The following TMC6 variants were observed in gnomAD, a reference collection of about 807,000 sequenced individuals.
TMC6 encodes the protein transmembrane channel-like protein 6.
In TMC6, 71 loss-of-function variants were observed where a neutral mutation model predicts 95.4. The ratio of observed to expected loss-of-function variants is 0.74; its 90% CI spans 0.61 to 0.91. The LOEUF (loss-of-function observed/expected upper bound fraction) is 0.91. Ranked by LOEUF, TMC6 falls within the 40% of genes least tolerant of loss-of-function variation. The pLI is 0.00. For synonymous variants in TMC6, 514 were observed against 483.1 expected (o/e 1.06, Z -0.84); for missense variants, 1,074 against 1,079.1 (o/e 1.00, Z 0.07).
At chr17:78,126,204 A>T in intron 4 of TMC6, 73 bp downstream of exon 4, 1 of 1,519,632 alleles carries the variant, frequency 6.6e-7, no homozygotes. Flanking sequence ...CCTGGCAGGA[A>T]GCCCAGCCCA....
intron 15 of TMC6, chr17:78,118,148 G>A: frequency 1.3e-6 from 1 of 758,198 alleles, no homozygotes. Flanking sequence ...TCCATCTGCT[G>A]AAGGTCGCTG....
At position 78,113,586 on chromosome 17, in the gene TMC6, G is replaced by C. The variant is rs922227584; in HGVS notation, c.2316C>G (p.His772Gln). 3 of 1,613,874 alleles carry C rather than the reference G, an allele frequency of 1.9e-6. No homozygotes were observed. Among genetic ancestry groups the C allele is most frequent in the African/African-American group, 2.7e-5 (2 of 74,880 alleles). ...EDKIFLINKL[H>Q]SIYERKEREE... is the part of the protein sequence containing the mutation. Reference sequence around the variant, plus strand: ...CCCTCTCCTTCCTCTCGTAGATGGAGTGAAGCTTGTTGATTAAGAAGATTT... The same window carrying C: ...CCCTCTCCTTCCTCTCGTAGATGGACTGAAGCTTGTTGATTAAGAAGATTT... Residue 772 changes from histidine (H) to glutamine (Q), a missense_variant, in exon 19 of 20, where the codon CAC (histidine) becomes CAG (glutamine). Physicochemically the swap from His to Gln is conservative, Grantham distance 24. Coordinates refer to ENST00000590602, the MANE Select transcript of TMC6 (RefSeq NM_001127198.5).
chr17:78,125,301 T>G, intron 5 of TMC6, 38 bp from the exon 6 acceptor site: 1 of 1,530,088 alleles, frequency 6.5e-7, no homozygotes, highest in Non-Finnish European at 8.8e-7. Context: ...CATCCCCAAG[T>G]GCCCCTCCCT....
chr17:78,119,021 G>T lies in TMC6; in HGVS notation c.1837C>A (p.Leu613Ile). Residue 613 changes from leucine (L) to isoleucine (I), a missense_variant, in exon 15 of 20, where the codon CTC becomes ATC. Coordinates refer to ENST00000590602, the MANE Select transcript of TMC6 (RefSeq NM_001127198.5). ...TWLGVLFSPL[L>I]PAVQIIKLLL... ...AGCTTGATGATCTGCACGGCGGGGA[G>T]GAGGGGCGAGAAGAGCACCCCCAGC... is the stretch of plus-strand genomic sequence containing the variant. 6.2e-7 allele frequency: 1 copy of T among 1,602,638 alleles called. No homozygotes were observed. The highest frequency in any genetic ancestry group is 8.5e-7 in the Non-Finnish European group (1 of 1,175,046).
intron 18 of TMC6, among the ~76,000 whole-genome samples, chr17:78,115,000 A>G (rs1359298784): frequency 6.6e-6 from 1 of 152,334 alleles, no homozygotes; most frequent in Non-Finnish European, 1.5e-5. Flanking sequence ...GGGGCTCTGA[A>G]ATGCCACCCA....
rs369430467 is a variant in TMC6 at position 78,113,818 on chromosome 17, G to T, written c.2278-194C>A. ...ACCAAGAGCCAGGAAGTGGGCGTAT[G>T]TGTGGATCTAAGCTTCCTAGTGGCC... On this transcript the variant is annotated intron_variant, in intron 18 of 19. Coordinates refer to ENST00000590602, the MANE Select transcript of TMC6 (RefSeq NM_001127198.5). 2.2e-4 allele frequency: 138 copies of T among 637,436 alleles called. 1 individual carries two copies. In the East Asian group the frequency reaches 3.3e-3, roughly 15 times the overall value. 39.5% of individuals were successfully genotyped at this position (637,436 alleles called of 1,614,324 possible).
At chr17:78,114,264 GGCACCACTCTGACCCT>G (rs1470326459) in intron 18 of TMC6, among the ~76,000 whole-genome samples, 2 of 152,062 alleles carry the variant, frequency 1.3e-5, no homozygotes, top group Non-Finnish European at 2.9e-5. Context: ...CTGCTCACGT[GGCACCACTCTGACCCT>G]GACACTCCGG....
At position 78,122,938 on chromosome 17, in the gene TMC6, G is replaced by GCAC; in HGVS notation, c.1083-192_1083-190dup. The stretch of plus-strand genomic sequence containing the variant: ...CTCTACACCAGTCTCATCCAACATA[G>GCAC]CACCCACCAGCCACATCTGCCTAGA... On this transcript the variant is annotated intron_variant, in intron 9 of 19. Coordinates refer to ENST00000590602, the MANE Select transcript of TMC6 (RefSeq NM_001127198.5). The surrounding 1 kb of genome is among the most constrained non-coding windows in gnomAD (Gnocchi z 4.9). 6 of 737,556 alleles carry GCAC rather than the reference G, an allele frequency of 8.1e-6. No homozygotes were observed. The South Asian group carries it at 1.0e-4, about 12-fold the overall frequency. The allele number at this position is 737,556 out of a possible 1,614,324, so 45.7% of individuals were successfully genotyped here.
At chr17:78,126,040 T>A in intron 4 of TMC6, 156 bp from the exon 5 acceptor site, 1 of 1,213,130 alleles carries the variant, frequency 8.2e-7, no homozygotes, top group Non-Finnish European at 1.1e-6. Flanking sequence ...TCCGAAAGCC[T>A]ATTTTTACCC....
rs1039474679 is a variant in TMC6 at position 78,108,923 on chromosome 17, C to T, written c.*4225G>A. 1.9e-5 allele frequency: 3 copies of T among 155,070 alleles called. No homozygotes were observed. The highest frequency in any genetic ancestry group is 2.5e-5 in the African/African-American group (1 of 40,694). 9.6% of individuals were successfully genotyped at this position (155,070 alleles called of 1,614,324 possible). ...TGATGTAATCTCGGCTCACTGCAAC[C>T]TTGACCTCAAGGTTAAGCTCCAGCG... On this transcript the variant is annotated 3_prime_UTR_variant, in exon 20 of 20. Transcript: ENST00000590602.
chr17:78,113,864 A>C (rs1209563883), intron 18 of TMC6: 4 of 537,484 alleles, frequency 7.4e-6, no homozygotes. Context: ...GGGAAATGTA[A>C]TCAGCAGCCC....
chr17:78,131,707 C>T, upstream of TMC6: 1 of 1,583,540 alleles, frequency 6.3e-7, no homozygotes, highest in Non-Finnish European at 8.6e-7. Flanking sequence ...CGCGGGCTGC[C>T]CTATGCCATG....
chr17:78,112,454 C>T lies in TMC6; in HGVS notation c.*694G>A, dbSNP rs1298052807. The T allele has an allele frequency of 6.2e-6, 1 of 162,392 alleles. No individual in the cohort carries two copies. Among genetic ancestry groups the T allele is most frequent in the East Asian group, 1.9e-4 (1 of 5,274 alleles). The allele number at this position is 162,392 out of a possible 1,614,324, so 10.1% of individuals were successfully genotyped here. A position where few individuals can be genotyped will look rare whatever the true frequency, so the allele number is the denominator to read the frequency against. On this transcript the variant is annotated 3_prime_UTR_variant, in exon 20 of 20. Coordinates refer to ENST00000590602, the MANE Select transcript of TMC6 (RefSeq NM_001127198.5). ...AGACCCAGGATCACCACCCCCCAGC[C>T]AGCTGCTGGCAGCCAGAAGCAGGGG...
At chr17:78,113,800 G>T in intron 18 of TMC6, 176 bp from the exon 19 acceptor site, 2 of 684,586 alleles carry the variant, frequency 2.9e-6, no homozygotes, top group Non-Finnish European at 5.2e-6. Flanking sequence ...AAAACCAAGA[G>T]CCAGGAAGTG....
chr17:78,126,132 G>A, intron 4 of TMC6, 145 bp downstream of exon 4: 1 of 1,263,554 alleles, frequency 7.9e-7, no homozygotes, highest in Non-Finnish European at 1.1e-6. Flanking sequence ...AGATGGGATG[G>A]GCTAGGAGCC....
chr17:78,117,904 C>T lies in TMC6; in HGVS notation c.1919G>A (p.Arg640His), dbSNP rs769938102. The T allele has an allele frequency of 2.0e-5, 32 of 1,604,418 alleles. No homozygotes were observed. Among genetic ancestry groups the T allele is most frequent in the South Asian group, 1.0e-4 (9 of 89,622 alleles). Residue 640 changes from arginine (R) to histidine (H), a missense_variant, in exon 16 of 20, where the codon CGC becomes CAC. Arg to His is a conservative substitution (Grantham distance 29). Transcript: ENST00000590602. ...TSLLANCQAP[R>H]RPWLASHMST... ...CATGTGTGAGGCCAGCCAGGGCCGG[C>T]GCGGCGCCTGGCAGTTGGCCAGAAG...
chr17:78,122,600 C>G lies in TMC6; in HGVS notation c.1227+5G>C, dbSNP rs753810765. 3.1e-6 allele frequency: 5 copies of G among 1,609,178 alleles called. No homozygotes were observed. In the South Asian group the frequency reaches 5.5e-5, roughly 18 times the overall value. ...AGGCCAGCTTGGTGCTCCGGGGCCA[C>G]TCACCTTCAGCCGGGTGCGAATATT... On this transcript the variant is annotated splice_donor_5th_base_variant and intron_variant, in intron 10 of 19. Coordinates refer to ENST00000590602, the MANE Select transcript of TMC6 (RefSeq NM_001127198.5). The surrounding 1 kb of genome is among the most constrained non-coding windows in gnomAD (Gnocchi z 4.9).
At chr17:78,113,331 A>T in intron 19 of TMC6, 120 bp from the exon 20 acceptor site, 1 of 1,309,926 alleles carries the variant, frequency 7.6e-7, no homozygotes. Flanking sequence ...TTCTCCTGAG[A>T]TGTATTTTAG....
upstream of TMC6, among the ~76,000 whole-genome samples, chr17:78,129,842 G>GA (rs780252087): frequency 2.0e-5 from 3 of 152,098 alleles, no homozygotes; most frequent in Non-Finnish European, 2.9e-5. This position sits in a 1 kb window ranked among gnomAD's most constrained non-coding sequence, Gnocchi z 4.3. Flanking sequence ...AGCCTCCCCA[G>GA]ATTGAACCCT....
Sources: allele counts gnomAD v4.1 joint callset (sites outside exome capture counted in the v4.1 genomes callset), GRCh38; gene constraint gnomAD v4.1.1; non-coding constraint Gnocchi (gnomAD v3.1); transcripts MANE v1.5; gene names NCBI Gene and HGNC (gene_info 2026-07-23, HGNC 2026-07-21).